GGTLC2: variants seen among roughly 807,000 people sequenced by gnomAD.
GGTLC2 encodes glutathione hydrolase light chain 2.
Under a neutral mutation model 20.2 loss-of-function variants are expected in GGTLC2, and 13 were observed. The ratio of observed to expected loss-of-function variants is 0.64; its 90% CI spans 0.42 to 1.02. GGTLC2 has a LOEUF of 1.02. GGTLC2 is among the 50% of genes least tolerant of loss of function. The pLI is 0.00. For synonymous variants in GGTLC2, 89 were observed against 125.5 expected (o/e 0.71, Z 1.94); for missense variants, 202 against 301.3 (o/e 0.67, Z 2.44).
rs750693568 is a variant in GGTLC2 at position 22,646,888 on chromosome 22, G to A, written c.304+7G>A. The A allele has an allele frequency of 6.2e-7, 1 of 1,613,338 alleles. No individual in the cohort carries two copies. The highest frequency in any genetic ancestry group is 8.5e-7 in the Non-Finnish European group (1 of 1,179,686). ...GCCAATTTCATCCAGCCAGGTATGG[G>A]GTGGAGGTCTGGGGATGGGGGACTG... On this transcript the variant is annotated splice_region_variant and intron_variant, in intron 3 of 5. Transcript: ENST00000448514.
rs574216480 is a variant in GGTLC2 at position 22,646,262 on chromosome 22, G to C, written c.-34-50G>C. The C allele has an allele frequency of 6.2e-6, 9 of 1,444,152 alleles. No homozygotes were observed. The Admixed American group carries it at 1.7e-4, about 28-fold the overall frequency. 89.5% of individuals were successfully genotyped at this position (1,444,152 alleles called of 1,614,324 possible). A position where few individuals can be genotyped will look rare whatever the true frequency, so the allele number is the denominator to read the frequency against. ...GTTGTGGTCAGAGCCACAGTCAGGG[G>C]CCTTCTGAGACCTGTGTCCCCTCCC... is the stretch of plus-strand genomic sequence containing the variant. On this transcript the variant is annotated intron_variant, in intron 1 of 5. Coordinates refer to ENST00000448514, the MANE Select transcript of GGTLC2 (RefSeq NM_199127.3).
At chr22:22,645,906 C>T (rs1458986399) in intron 1 of GGTLC2, among the ~76,000 whole-genome samples, 1 of 151,266 alleles carries the variant, frequency 6.6e-6, no homozygotes, top group Non-Finnish European at 1.5e-5. Context: ...ACCACTCTGC[C>T]CATACCTCAT....
Position 22,647,179 on chromosome 22 carries a change from C to T in GGTLC2, c.399C>T (p.Ala133=), listed in dbSNP as rs1239527101. The part of the protein sequence containing the change: ...SHADHTPMPQ[A]IIYNLWFGYD... Reference sequence around the variant, plus strand: ...CTGATCACACTCCCATGCCCCAGGCCATCATCTACAACCTCTGGTTCGGCT... The same window carrying T: ...CTGATCACACTCCCATGCCCCAGGCTATCATCTACAACCTCTGGTTCGGCT... The change falls in exon 5 of 6, where the codon GCC becomes GCT. Residue 133 remains alanine, a synonymous_variant. Transcript: ENST00000448514. 1.2e-6 allele frequency: 2 copies of T among 1,611,438 alleles called. No homozygotes were observed. The highest frequency in any genetic ancestry group is 2.7e-5 in the African/African-American group (2 of 74,792).
rs555824900 is a variant in GGTLC2, at chr22:22,647,710, C to A, written c.626C>A (p.Ser209Tyr). The change falls in exon 6 of 6, where the codon TCC (serine) becomes TAC (tyrosine). Residue 209 changes from serine to tyrosine, a missense_variant. Ser to Tyr is a moderately radical substitution (Grantham distance 144). Coordinates refer to ENST00000448514, the MANE Select transcript of GGTLC2 (RefSeq NM_199127.3). ...GGTGGCTGGGCAGCTGCCTCGGACT[C>A]CAGGAAAGGCGGGGAGCCTGCCGGC... ...TAGGWAAASD[S>Y]RKGGEPAGY 1 of 1,602,050 alleles carries A rather than the reference C, an allele frequency of 6.2e-7. No individual in the cohort carries two copies. The highest frequency in any genetic ancestry group is 2.2e-5 in the East Asian group (1 of 44,508).
At position 22,646,771 on chromosome 22, in the gene GGTLC2, G is replaced by C. The variant is rs372117006; in HGVS notation, c.194G>C (p.Arg65Pro). Residue 65 changes from arginine (R) to proline (P), a missense_variant, in exon 3 of 6, where the codon CGC (arginine) becomes CCC (proline). Physicochemically the swap from Arg to Pro is moderately radical, Grantham distance 103. Transcript: ENST00000448514. ...TINLYFGSKV[R>P]SPVSEILFND... The stretch of plus-strand genomic sequence containing the variant: ...GGCGGTAGCTTTGGCTCCAAGGTCC[G>C]CTCCCCGGTCAGCGAGATCCTGTTC... The C allele has an allele frequency of 3.7e-6, 6 of 1,610,588 alleles. No individual in the cohort carries two copies. Among genetic ancestry groups the C allele is most frequent in the Non-Finnish European group, 3.4e-6 (4 of 1,178,524 alleles).
At chr22:22,645,468 T>C (rs1601949805) in intron 1 of GGTLC2, among the ~76,000 whole-genome samples, 2 of 149,760 alleles carry the variant, frequency 1.3e-5, no homozygotes, top group African/African-American at 4.9e-5. Flanking sequence ...ATCAAGCTCC[T>C]GACCATCCTC....
At chr22:22,646,673 T>G (rs1288762677) in intron 2 of GGTLC2, 81 bp from the exon 3 acceptor site, 1 of 1,564,138 alleles carries the variant, frequency 6.4e-7, no homozygotes, top group Non-Finnish European at 8.7e-7. Flanking sequence ...TCTCAGTGAG[T>G]ATGTTTGAGC....
intron 1 of GGTLC2, among the ~76,000 whole-genome samples, 172 bp downstream of exon 1, chr22:22,644,880 C>T (rs1435080031): frequency 6.1e-4 from 35 of 57,768 alleles, no homozygotes; most frequent in East Asian, 4.2e-3. Flanking sequence ...GTCAGACTCT[C>T]TCTTTTTTTT....
intron 1 of GGTLC2, 82 bp from the exon 2 acceptor site, chr22:22,646,230 C>A: frequency 1.4e-6 from 2 of 1,446,090 alleles, no homozygotes; most frequent in Non-Finnish European, 1.9e-6. Flanking sequence ...GTTGTGGGTG[C>A]CAGAGGGTTG....
rs879767090 is a variant in GGTLC2 at position 22,645,719 on chromosome 22, G to A, written c.-34-593G>A. On this transcript the variant is annotated intron_variant, in intron 1 of 5. Coordinates refer to ENST00000448514, the MANE Select transcript of GGTLC2 (RefSeq NM_199127.3). ...AAGCCAGTTGTTATGGGACCTAGGAGGTCCTGTGGGATGGGCCCCAGCCTG... is the reference window on the plus strand; with the variant it reads ...AAGCCAGTTGTTATGGGACCTAGGAAGTCCTGTGGGATGGGCCCCAGCCTG... Among the ~76,000 whole-genome samples, 707 of 148,818 alleles carry A rather than the reference G, an allele frequency of 4.8e-3. 1 individual carries two copies. Among genetic ancestry groups the A allele is most frequent in the Middle Eastern group, 0.01 (3 of 286 alleles).
chr22:22,647,637 A>G lies in GGTLC2; in HGVS notation c.553A>G (p.Ile185Val), dbSNP rs1349730885. 1.9e-6 allele frequency: 3 copies of G among 1,580,538 alleles called. No individual in the cohort carries two copies. Among genetic ancestry groups the G allele is most frequent in the Admixed American group, 3.3e-5 (2 of 59,736 alleles). The change falls in exon 6 of 6, where the codon ATC (isoleucine) becomes GTC (valine). Residue 185 changes from isoleucine (I) to valine (V), a missense_variant. Ile to Val is a conservative substitution (Grantham distance 29, BLOSUM62 3). Transcript: ENST00000448514. ...ALETRHHHTQ[I>V]ASTFIAVVQA... The stretch of plus-strand genomic sequence containing the variant: ...GGAGACCCGGCACCATCACACCCAG[A>G]TCGCGTCCACCTTCATCGCTGTGGT...
chr22:22,647,386 G>T (rs1190264384), intron 5 of GGTLC2, 96 bp downstream of exon 5: 15 of 1,602,462 alleles, frequency 9.4e-6, no homozygotes, highest in Non-Finnish European at 1.1e-5. Flanking sequence ...AATTGTTGGT[G>T]TCCTCTCTCT....
rs201381870 is a variant in GGTLC2, at chr22:22,646,329, G to C, written c.-17G>C. ...CTCCTCAGGCCAGCTCTGGGGTCTC[G>C]GCAGGTGGTCCACAACATGACCTCT... On this transcript the variant is annotated 5_prime_UTR_variant, in exon 2 of 6. Transcript: ENST00000448514. 4 of 1,326,002 alleles carry C rather than the reference G, an allele frequency of 3.0e-6. No homozygotes were observed. The highest frequency in any genetic ancestry group is 1.6e-5 in the African/African-American group (1 of 63,138). 82.1% of individuals were successfully genotyped at this position (1,326,002 alleles called of 1,614,324 possible).
Position 22,646,314 on chromosome 22 carries a change from C to G in GGTLC2, c.-32C>G. ...ACCCTCCCTCCCCACCTCCTCAGGC[C>G]AGCTCTGGGGTCTCGGCAGGTGGTC... On this transcript the variant is annotated splice_region_variant and 5_prime_UTR_variant, in exon 2 of 6. Coordinates refer to ENST00000448514, the MANE Select transcript of GGTLC2 (RefSeq NM_199127.3). 2 of 1,280,096 alleles carry G rather than the reference C, an allele frequency of 1.6e-6. No individual in the cohort carries two copies. The highest frequency in any genetic ancestry group is 2.2e-6 in the Non-Finnish European group (2 of 912,436). The allele number at this position is 1,280,096 out of a possible 1,614,324, so 79.3% of individuals were successfully genotyped here. A position where few individuals can be genotyped will look rare whatever the true frequency, so the allele number is the denominator to read the frequency against.
intron 3 of GGTLC2, 28 bp downstream of exon 3, chr22:22,646,909 G>T: frequency 3.1e-6 from 5 of 1,603,044 alleles, no homozygotes; most frequent in Non-Finnish European, 4.3e-6. Context: ...GGGGATGGGG[G>T]ACTGGGGTGG....
intron 1 of GGTLC2, among the ~76,000 whole-genome samples, chr22:22,645,662 C>A (rs1164021160): frequency 1.3e-5 from 2 of 150,752 alleles, no homozygotes; most frequent in African/African-American, 4.9e-5. Flanking sequence ...CCTGCTCATT[C>A]TTCTGCCCTA....
rs1555986302 is a variant in GGTLC2 at position 22,646,680 on chromosome 22, G to C, written c.177-74G>C. The C allele has an allele frequency of 4.4e-6, 7 of 1,575,634 alleles. No individual in the cohort carries two copies. The Admixed American group carries it at 8.6e-5, about 19-fold the overall frequency. The stretch of plus-strand genomic sequence containing the variant: ...CCTGGGCCTCTCAGTGAGTATGTTT[G>C]AGCCTCAGTGGGTGGATAGGGACCA... On this transcript the variant is annotated intron_variant, in intron 2 of 5. Coordinates refer to ENST00000448514, the MANE Select transcript of GGTLC2 (RefSeq NM_199127.3).
Position 22,647,857 on chromosome 22 carries a change from G to A in GGTLC2, c.*116G>A. On this transcript the variant is annotated 3_prime_UTR_variant, in exon 6 of 6. Transcript: ENST00000448514. Reference sequence around the variant, plus strand: ...TGAGCAGCAGAGCAGCACAATAAATGAGGCCACTGTGCCAGGCTCCAGGTG... The same window carrying A: ...TGAGCAGCAGAGCAGCACAATAAATAAGGCCACTGTGCCAGGCTCCAGGTG... The A allele has an allele frequency of 1.3e-6, 2 of 1,527,696 alleles. No individual in the cohort carries two copies. Among genetic ancestry groups the A allele is most frequent in the African/African-American group, 1.4e-5 (1 of 72,380 alleles). 94.6% of individuals were successfully genotyped at this position (1,527,696 alleles called of 1,614,324 possible).
rs562251910 is a variant in GGTLC2, at chr22:22,646,838, C to T, written c.261C>T (p.Asn87=). 2.9e-5 allele frequency: 46 copies of T among 1,612,898 alleles called. No individual in the cohort carries two copies. Among genetic ancestry groups the T allele is most frequent in the South Asian group, 9.9e-5 (9 of 91,016 alleles). ...ACTTCAGCTCTCCCAACATCACCAACGAGTTTGGGGTGCCCCCCTCACCTG... is the reference window on the plus strand; with the variant it reads ...ACTTCAGCTCTCCCAACATCACCAATGAGTTTGGGGTGCCCCCCTCACCTG... ...MDDFSSPNIT[N]EFGVPPSPAN... Residue 87 remains asparagine, a synonymous_variant, in exon 3 of 6, where the codon AAC becomes AAT. Coordinates refer to ENST00000448514, the MANE Select transcript of GGTLC2 (RefSeq NM_199127.3).
Sources: gnomAD v4.1 joint callset for allele counts (sites outside exome capture counted in the v4.1 genomes callset) on GRCh38, gnomAD v4.1.1 for gene constraint, MANE v1.5 for transcripts, NCBI Gene and HGNC (gene_info 2026-07-23, HGNC 2026-07-21) for gene names.